Variants in RALGPS1 observed in about 807,000 individuals in gnomAD.
RALGPS1 encodes the protein Ral GEF with PH domain and SH3 binding motif 1.
Under a neutral mutation model 78.8 loss-of-function variants are expected in RALGPS1, and 19 were observed. The ratio of observed to expected loss-of-function variants is 0.24; its 90% CI spans 0.17 to 0.35. The LOEUF (loss-of-function observed/expected upper bound fraction) is 0.35, where lower values mean the gene tolerates loss of function less well. RALGPS1 is among the 10% of genes least tolerant of loss of function. The pLI, the probability that RALGPS1 is intolerant of heterozygous loss-of-function variation, is 1.00. For missense variants in RALGPS1, 454 were observed against 688.3 expected, an observed-to-expected ratio of 0.66 and a Z score of 3.81; for synonymous variants, 228 against 256.3, an observed-to-expected ratio of 0.89 and a Z score of 1.06.
intron 12 of RALGPS1, 139 bp downstream of exon 12, chr9:127,195,356 C>A: frequency 8.3e-7 from 1 of 1,207,964 alleles, no homozygotes; most frequent in Non-Finnish European, 1.1e-6. Context: ...TCTTGGAATC[C>A]TGGCCAGTGC....
At chr9:127,207,695 G>A (rs2062009872) in intron 14 of RALGPS1, among the ~76,000 whole-genome samples, 1 of 152,190 alleles carries the variant, frequency 6.6e-6, no homozygotes, top group Admixed American at 6.5e-5. Flanking sequence ...TGGCCTGCCA[G>A]GCAGCCAGAG....
At chr9:126,955,089 A>G (rs1287291337) in intron 1 of RALGPS1, among the ~76,000 whole-genome samples, 2 of 152,182 alleles carry the variant, frequency 1.3e-5, no homozygotes, top group East Asian at 1.9e-4. Context: ...TACATATCGC[A>G]TCTGTAGAGA....
chr9:127,034,832 C>T (rs1444902040), intron 5 of RALGPS1, among the ~76,000 whole-genome samples: 1 of 152,134 alleles, frequency 6.6e-6, no homozygotes, highest in Non-Finnish European at 1.5e-5. Context: ...CCTCCAGCCT[C>T]ATCTCTTTTC....
rs905399978 is a variant in RALGPS1, at chr9:127,056,273, C to G, written c.483+3334C>G. Among the ~76,000 whole-genome samples, 6 of 152,300 alleles carry G rather than the reference C, an allele frequency of 3.9e-5. No homozygotes were observed. In the South Asian group the frequency reaches 1.2e-3, roughly 32 times the overall value. On this transcript the variant is annotated intron_variant, in intron 7 of 18. Coordinates refer to ENST00000259351, the MANE Select transcript of RALGPS1 (RefSeq NM_014636.3). The stretch of plus-strand genomic sequence containing the variant: ...CCTAAGGGCTGAGCCAGGGCTCTTT[C>G]CCTGGTTACAGAGAGCCACTTACCA...
intron 4 of RALGPS1, among the ~76,000 whole-genome samples, chr9:127,011,339 G>A (rs546936387): frequency 1.8e-4 from 27 of 152,124 alleles, no homozygotes; most frequent in African/African-American, 5.3e-4. Context: ...CACCATGCCC[G>A]GCTAATTTTT....
At chr9:127,126,041 T>G (rs1378070667) in intron 8 of RALGPS1, among the ~76,000 whole-genome samples, 6 of 151,950 alleles carry the variant, frequency 3.9e-5, no homozygotes, top group Admixed American at 6.6e-5. Context: ...CTTAGAGGGG[T>G]GTACTTGGGA....
chr9:127,069,997 T>C (rs1440552916), intron 8 of RALGPS1: 2 of 152,212 alleles, frequency 1.3e-5, no homozygotes, highest in Non-Finnish European at 2.9e-5. Flanking sequence ...GAATCTGCTC[T>C]CCAATATTGA....
intron 8 of RALGPS1, chr9:127,108,518 T>C: frequency 1.2e-6 from 2 of 1,613,008 alleles, no homozygotes; most frequent in Non-Finnish European, 1.7e-6. Flanking sequence ...TCCTTGGAGT[T>C]GACGCAGATG....
chr9:127,182,340 T>C (rs1189668147), intron 11 of RALGPS1, among the ~76,000 whole-genome samples: 1 of 145,990 alleles, frequency 6.8e-6, no homozygotes, highest in Non-Finnish European at 1.5e-5. Flanking sequence ...CTGCCTTCCT[T>C]CCTTCCTTCC....
intron 8 of RALGPS1, among the ~76,000 whole-genome samples, chr9:127,145,522 A>G (rs1417332328): frequency 1.3e-5 from 2 of 152,230 alleles, no homozygotes; most frequent in African/African-American, 4.8e-5. Flanking sequence ...TGGAGGACCT[A>G]GAATTCTTCC....
intron 11 of RALGPS1, among the ~76,000 whole-genome samples, chr9:127,186,294 G>A (rs183426077): frequency 1.3e-5 from 2 of 152,326 alleles, no homozygotes; most frequent in African/African-American, 2.4e-5. Flanking sequence ...AAATTATGCT[G>A]AGGAAAAATG....
rs564450393 is a variant in RALGPS1, at chr9:127,178,052, G to C, written c.910+3270G>C. ...CCCATGGGCCGGCCCAGGGTCCTGG[G>C]GAGGGTGGAGCCCTAGGCTAAAGGG... On this transcript the variant is annotated intron_variant, in intron 11 of 18. Transcript: ENST00000259351. 2,755 of 1,466,726 alleles carry C rather than the reference G, an allele frequency of 1.9e-3. 3 individuals are homozygous for C. The highest frequency in any genetic ancestry group is 2.3e-3 in the Non-Finnish European group (2,543 of 1,093,394). The allele number at this position is 1,466,726 out of a possible 1,614,324, so 90.9% of individuals were successfully genotyped here.
intron 5 of RALGPS1, among the ~76,000 whole-genome samples, chr9:127,049,447 A>G (rs1004445577): frequency 6.6e-6 from 1 of 152,216 alleles, no homozygotes; most frequent in Non-Finnish European, 1.5e-5. Flanking sequence ...CCGGGAAAAC[A>G]TGCCCTGTAA....
Position 127,183,380 on chromosome 9 carries a change from G to A in RALGPS1, c.910+8598G>A, listed in dbSNP as rs747711714. 6.6e-5 allele frequency among the ~76,000 whole-genome samples: 10 copies of A among 151,986 alleles called. No homozygotes were observed. Among genetic ancestry groups the A allele is most frequent in the Non-Finnish European group, 1.3e-4 (9 of 68,004 alleles). On this transcript the variant is annotated intron_variant, in intron 11 of 18. Transcript: ENST00000259351. This position sits in a 1 kb window ranked among gnomAD's most constrained non-coding sequence, Gnocchi z 4.0. ...CCTGCAGCCCCTTCCATGCCCCCCC[G>A]CAAAGTCTGGTGCCCACTGCCAGCT...
rs373605906 is a variant in RALGPS1 at position 127,045,421 on chromosome 9, G to C, written c.301-4622G>C. 2.0e-5 allele frequency among the ~76,000 whole-genome samples: 3 copies of C among 152,136 alleles called. No homozygotes were observed. The South Asian group carries it at 6.2e-4, about 32-fold the overall frequency. ...TGTATATAAACACCATACTCCATTT[G>C]ATAAAGTTGTTTCCCAAGGGGGATG... On this transcript the variant is annotated intron_variant, in intron 5 of 18. Transcript: ENST00000259351.
chr9:126,968,077 A>G (rs1391456738), intron 3 of RALGPS1, among the ~76,000 whole-genome samples: 1 of 145,556 alleles, frequency 6.9e-6, no homozygotes. Context: ...ATCTTGGCTC[A>G]CTGAAACTTC....
intron 4 of RALGPS1, among the ~76,000 whole-genome samples, chr9:127,002,713 T>TG (rs1028798309): frequency 8.6e-5 from 13 of 151,348 alleles, no homozygotes; most frequent in Middle Eastern, 3.4e-3. Context: ...TTTTTGTTCT[T>TG]GCGATAGTTT....
At chr9:127,126,901 C>G (rs1279039310) in intron 8 of RALGPS1, among the ~76,000 whole-genome samples, 2 of 152,102 alleles carry the variant, frequency 1.3e-5, no homozygotes, top group African/African-American at 4.8e-5. Flanking sequence ...CTTCACATGT[C>G]TATAATTTTT....
chr9:126,918,726 G>A (rs2034442633), intron 1 of RALGPS1, among the ~76,000 whole-genome samples: 1 of 149,524 alleles, frequency 6.7e-6, no homozygotes, highest in East Asian at 2.0e-4. Context: ...AGGCTGGAGT[G>A]CAATGGCGCG....
Sources: gnomAD v4.1 joint callset for allele counts (sites outside exome capture counted in the v4.1 genomes callset) on GRCh38, gnomAD v4.1.1 for gene constraint, Gnocchi (gnomAD v3.1) non-coding constraint, MANE v1.5 for transcripts, NCBI Gene and HGNC (gene_info 2026-07-23, HGNC 2026-07-21) for gene names.